SLC25A17: variants seen among roughly 807,000 people sequenced by gnomAD.
The protein encoded by SLC25A17 is solute carrier family 25 member 17.
In SLC25A17, 26 loss-of-function variants were observed where a neutral mutation model predicts 38.5. The observed-to-expected ratio is 0.68, with a 90% CI of 0.50 to 0.94. SLC25A17 has a LOEUF of 0.94. Ranked by LOEUF, SLC25A17 falls within the 40% of genes least tolerant of loss-of-function variation. The pLI is 0.00. For missense variants in SLC25A17, 333 were observed against 372.7 expected (o/e 0.89, Z 0.88); for synonymous variants, 139 against 136.2 (o/e 1.02, Z -0.14).
At chr22:40,790,572 G>A (rs2057377093) in intron 4 of SLC25A17, among the ~76,000 whole-genome samples, 1 of 152,154 alleles carries the variant, frequency 6.6e-6, no homozygotes, top group Admixed American at 6.5e-5. Flanking sequence ...AGCTGTGTTA[G>A]GTATGGGGGA....
At chr22:40,813,307 G>A (rs1267666733) in intron 1 of SLC25A17, among the ~76,000 whole-genome samples, 1 of 152,152 alleles carries the variant, frequency 6.6e-6, no homozygotes, top group East Asian at 1.9e-4. Flanking sequence ...GGAGGCTGAG[G>A]TGGGTGGATC....
chr22:40,782,758 A>T (rs1170987366), intron 4 of SLC25A17, among the ~76,000 whole-genome samples: 3 of 152,258 alleles, frequency 2.0e-5, no homozygotes, highest in Non-Finnish European at 1.5e-5. Context: ...CAGGAAATAC[A>T]TTTTGAACTA....
chr22:40,795,523 C>G (rs2057421166), intron 2 of SLC25A17, among the ~76,000 whole-genome samples: 1 of 152,110 alleles, frequency 6.6e-6, no homozygotes, highest in Admixed American at 6.6e-5. Context: ...ATCTCCTGAC[C>G]TCGTGATCCA....
intron 4 of SLC25A17, among the ~76,000 whole-genome samples, chr22:40,783,507 G>GT (rs1236272186): frequency 6.6e-6 from 1 of 151,928 alleles, no homozygotes; most frequent in African/African-American, 2.4e-5. Flanking sequence ...ATTTTATTTT[G>GT]TTTTTTTGAG....
intron 4 of SLC25A17, among the ~76,000 whole-genome samples, chr22:40,785,933 C>T (rs558504986): frequency 2.0e-5 from 3 of 152,196 alleles, no homozygotes; most frequent in South Asian, 4.1e-4. Flanking sequence ...CTGTACCCAG[C>T]CCTCATTCAT....
chr22:40,811,270 T>TC (rs397690292), intron 1 of SLC25A17, among the ~76,000 whole-genome samples: 8 of 151,368 alleles, frequency 5.3e-5, no homozygotes, highest in Non-Finnish European at 5.9e-5. Context: ...TTTTTTTTTT[T>TC]AGTAGAGATG....
chr22:40,790,093 A>T (rs919483225), intron 4 of SLC25A17, among the ~76,000 whole-genome samples: 1 of 151,688 alleles, frequency 6.6e-6, no homozygotes, highest in African/African-American at 2.4e-5. Context: ...TAATCCCAGC[A>T]CTTTGGGAGG....
rs938770543 is a variant in SLC25A17, at chr22:40,774,630, G to C, written c.694-611C>G. Among the ~76,000 whole-genome samples the C allele has an allele frequency of 3.3e-5, 5 of 152,284 alleles. No homozygotes were observed. In the East Asian group the frequency reaches 9.6e-4, roughly 29 times the overall value. The stretch of plus-strand genomic sequence containing the variant: ...AAAATATGCCCAGGATGATGATTTA[G>C]ATATTGATGGTAATAACTTCCACTT... On this transcript the variant is annotated intron_variant, in intron 7 of 8. Coordinates refer to ENST00000435456, the MANE Select transcript of SLC25A17 (RefSeq NM_006358.4).
At chr22:40,795,706 C>T (rs748718724) in intron 2 of SLC25A17, among the ~76,000 whole-genome samples, 34 of 152,180 alleles carry the variant, frequency 2.2e-4, no homozygotes, top group Non-Finnish European at 3.1e-4. Flanking sequence ...TTACTATCTA[C>T]CTTTTACAGG....
intron 8 of SLC25A17, among the ~76,000 whole-genome samples, chr22:40,771,261 C>T (rs1031031766): frequency 1.3e-5 from 2 of 152,168 alleles, no homozygotes; most frequent in East Asian, 1.9e-4. Flanking sequence ...GCACCCGCCA[C>T]GACACCAGGC....
intron 1 of SLC25A17, among the ~76,000 whole-genome samples, chr22:40,814,218 A>C (rs901684369): frequency 2.0e-5 from 3 of 152,190 alleles, no homozygotes; most frequent in African/African-American, 7.2e-5. Context: ...GGACTTAAAA[A>C]ACTCAAAATG....
chr22:40,788,942 A>ACG, intron 4 of SLC25A17: 1 of 313,196 alleles, frequency 3.2e-6, no homozygotes, highest in South Asian at 4.0e-5. Flanking sequence ...GGTCTGAGGT[A>ACG]GCCAACAACG....
At chr22:40,814,755 AT>A (rs2057618460) in intron 1 of SLC25A17, among the ~76,000 whole-genome samples, 2 of 2,426 alleles carry the variant, frequency 8.2e-4, no homozygotes, top group African/African-American at 8.4e-3. Flanking sequence ...TACGTGCAGA[AT>A]ATATATATAT....
intron 1 of SLC25A17, among the ~76,000 whole-genome samples, chr22:40,810,686 T>C (rs777993548): frequency 6.6e-6 from 1 of 152,194 alleles, no homozygotes. Flanking sequence ...AAGCAAAGCA[T>C]GCACATAGTT....
chr22:40,817,684 G>A (rs749711788), intron 1 of SLC25A17, among the ~76,000 whole-genome samples: 1 of 151,986 alleles, frequency 6.6e-6, no homozygotes, highest in Non-Finnish European at 1.5e-5. Flanking sequence ...ATCATCTCTC[G>A]CCTGATAATT....
intron 1 of SLC25A17, among the ~76,000 whole-genome samples, chr22:40,807,950 T>C (rs1050692449): frequency 6.6e-6 from 1 of 152,164 alleles, no homozygotes; most frequent in Non-Finnish European, 1.5e-5. Flanking sequence ...CATATAACTT[T>C]TCAGAATTTG....
intron 4 of SLC25A17, among the ~76,000 whole-genome samples, chr22:40,791,366 C>A (rs1032443206): frequency 6.6e-6 from 1 of 152,056 alleles, no homozygotes; most frequent in African/African-American, 2.4e-5. Context: ...TAGGAGCCCA[C>A]CAATAGTAAC....
intron 1 of SLC25A17, among the ~76,000 whole-genome samples, chr22:40,816,367 C>G (rs1218605040): frequency 1.3e-5 from 2 of 152,098 alleles, no homozygotes; most frequent in African/African-American, 4.8e-5. Context: ...CAAATCCAAT[C>G]TAATATCTGT....
intron 3 of SLC25A17, among the ~76,000 whole-genome samples, chr22:40,794,122 T>C (rs1176982115): frequency 6.6e-6 from 1 of 152,228 alleles, no homozygotes; most frequent in East Asian, 1.9e-4. Context: ...GTTTTGCAAA[T>C]TTTTGTAAAT....
Sources: gnomAD v4.1 joint callset for allele counts (sites outside exome capture counted in the v4.1 genomes callset) on GRCh38, gnomAD v4.1.1 for gene constraint, MANE v1.5 for transcripts, NCBI Gene and HGNC (gene_info 2026-07-23, HGNC 2026-07-21) for gene names.